Variants in LDB3 observed in about 807,000 individuals in gnomAD.
LDB3 encodes LIM domain binding 3, also known as LIM domain-binding protein 3.
LDB3 carries 49 observed loss-of-function variants against 69.0 expected under a neutral mutation model. That is an observed-to-expected ratio of 0.71 (90% CI 0.56 to 0.90). The LOEUF is 0.90. Ranked by LOEUF, LDB3 falls within the 40% of genes least tolerant of loss-of-function variation. The pLI, the probability that LDB3 is intolerant of heterozygous loss-of-function variation, is 0.00. For synonymous variants in LDB3, 387 were observed against 396.2 expected, an observed-to-expected ratio of 0.98 and a Z score of 0.28; for missense variants, 928 against 974.1, an observed-to-expected ratio of 0.95 and a Z score of 0.63.
At chr10:86,698,291 T>A (rs2132437791) in intron 7 of LDB3, among the ~76,000 whole-genome samples, 1 of 152,386 alleles carries the variant, frequency 6.6e-6, no homozygotes. Context: ...CTTTTATTGC[T>A]AAGAAGCATC....
At position 86,709,830 on chromosome 10, in the gene LDB3, G is replaced by C. The variant is rs3740347; in HGVS notation, c.1086-75G>C. 1.2e-5 allele frequency: 18 copies of C among 1,552,512 alleles called. No individual in the cohort carries two copies. In the African/African-American group the frequency reaches 1.9e-4, roughly 16 times the overall value. On this transcript the variant is annotated intron_variant, in intron 8 of 13. Transcript: ENST00000361373. ...CTCACAGAGGCTTCTGAAGACCTGG[G>C]AGCCAGCCTGCCTTGACTGCAGGCC...
At chr10:86,684,704 C>T (rs370832642) in intron 5 of LDB3, among the ~76,000 whole-genome samples, 4 of 152,220 alleles carry the variant, frequency 2.6e-5, no homozygotes, top group African/African-American at 9.6e-5. Context: ...CAGGGCCAGG[C>T]TGGCCGGGGC....
chr10:86,687,341 C>T, intron 5 of LDB3: 1 of 1,446,842 alleles, frequency 6.9e-7, no homozygotes, highest in South Asian at 1.1e-5. Context: ...CATTGGGCAC[C>T]ATCGGGACCA....
chr10:86,681,565 G>T lies in LDB3; in HGVS notation c.451G>T (p.Ala151Ser). Residue 151 changes from alanine (A) to serine (S), a missense_variant, in exon 5 of 14, where the codon GCC (alanine) becomes TCC (serine). By Grantham distance (99) the Ala-to-Ser change is moderately conservative. Transcript: ENST00000361373. ...TFSPAFSRPSAFSSLAEASDP... is the reference protein window; with the variant it reads ...TFSPAFSRPSSFSSLAEASDP... ...TAGCCCTGCCTTCTCCCGGCCCTCC[G>T]CCTTCTCCTCACTCGCCGAGGCCTC... The T allele has an allele frequency of 6.2e-7, 1 of 1,613,010 alleles. No individual in the cohort carries two copies. Among genetic ancestry groups the T allele is most frequent in the East Asian group, 2.2e-5 (1 of 44,858 alleles).
At chr10:86,718,422 T>C (rs1177018005) in intron 11 of LDB3, among the ~76,000 whole-genome samples, 2 of 152,210 alleles carry the variant, frequency 1.3e-5, no homozygotes, top group East Asian at 3.9e-4. Context: ...CTCACCAGAA[T>C]GTGGCCTTAA....
chr10:86,698,417 C>G (rs1295582519), intron 7 of LDB3, among the ~76,000 whole-genome samples: 1 of 152,232 alleles, frequency 6.6e-6, no homozygotes, highest in Non-Finnish European at 1.5e-5. Flanking sequence ...CACCTCTGGT[C>G]TGGAGGATGT....
At position 86,695,896 on chromosome 10, in the gene LDB3, A is replaced by G. The variant is rs186094098; in HGVS notation, c.896+3325A>G. Among the ~76,000 whole-genome samples, 774 of 152,336 alleles carry G rather than the reference A, an allele frequency of 5.1e-3. 6 individuals are homozygous for G. Among genetic ancestry groups the G allele is most frequent in the Middle Eastern group, 0.017 (5 of 294 alleles). On this transcript the variant is annotated intron_variant, in intron 7 of 13. Transcript: ENST00000361373. ...ATGTAGCCCAGCATGTAACCCAGAC[A>G]TGCCCCTGATCCCTTACAAGTGCAG...
At chr10:86,680,059 G>T (rs1845025549) in intron 3 of LDB3, 23 bp from the exon 4 acceptor site, 3 of 1,610,290 alleles carry the variant, frequency 1.9e-6, no homozygotes, top group Non-Finnish European at 2.5e-6. Context: ...TTCCTCACCT[G>T]GTCTCATTTC....
chr10:86,694,073 C>T (rs907377760), intron 7 of LDB3, among the ~76,000 whole-genome samples: 2 of 152,200 alleles, frequency 1.3e-5, no homozygotes, highest in African/African-American at 4.8e-5. Context: ...TCACGCTCAG[C>T]TTGTGCCTCA....
At chr10:86,717,398 A>G (rs1846917212) in intron 10 of LDB3, among the ~76,000 whole-genome samples, 1 of 152,182 alleles carries the variant, frequency 6.6e-6, no homozygotes, top group Non-Finnish European at 1.5e-5. Flanking sequence ...TTAGAATATA[A>G]AAAAATGTCT....
intron 2 of LDB3, among the ~76,000 whole-genome samples, chr10:86,672,749 T>C (rs537429746): frequency 6.6e-6 from 1 of 152,310 alleles, no homozygotes; most frequent in South Asian, 2.1e-4. Flanking sequence ...TCTAACTCTG[T>C]GAGGGATCCA....
intron 2 of LDB3, among the ~76,000 whole-genome samples, chr10:86,669,702 C>A (rs1054162039): frequency 6.6e-6 from 1 of 152,222 alleles, no homozygotes; most frequent in African/African-American, 2.4e-5. Context: ...AGGCTCAGGG[C>A]GAACTGTGAG....
At chr10:86,674,828 T>A (rs530527476) in intron 2 of LDB3, among the ~76,000 whole-genome samples, 1 of 152,278 alleles carries the variant, frequency 6.6e-6, no homozygotes, top group East Asian at 1.9e-4. Context: ...GCACTCTCCA[T>A]GAGCCCTGGA....
In LDB3 at chr10:86,699,336, C is replaced by T; in HGVS notation, c.896+6765C>T. 2.5e-6 allele frequency: 4 copies of T among 1,613,962 alleles called. No homozygotes were observed. Among genetic ancestry groups the T allele is most frequent in the Non-Finnish European group, 3.4e-6 (4 of 1,179,994 alleles). On this transcript the variant is annotated intron_variant, in intron 7 of 13. Coordinates refer to ENST00000361373, the MANE Select transcript of LDB3 (RefSeq NM_007078.3). The surrounding 1 kb of genome is among the most constrained non-coding windows in gnomAD (Gnocchi z 4.9). ...TTTTGCCAAATTGCGCAACTGGCAC[C>T]ATGGCCTTTCAGCCCAAATCCTTAA...
chr10:86,719,868 A>G (rs1420274131), intron 12 of LDB3, among the ~76,000 whole-genome samples: 1 of 152,260 alleles, frequency 6.6e-6, no homozygotes, highest in East Asian at 1.9e-4. Flanking sequence ...TCATTTATTC[A>G]GAGGCTTCCC....
chr10:86,676,559 T>G (rs1472896424), intron 2 of LDB3, among the ~76,000 whole-genome samples: 1 of 99,722 alleles, frequency 1.0e-5, no homozygotes, highest in African/African-American at 3.9e-5. Flanking sequence ...AGCAAGACCC[T>G]GTCTCAAAAA....
intron 2 of LDB3, among the ~76,000 whole-genome samples, chr10:86,673,915 A>C (rs2803561): frequency 6.6e-6 from 1 of 152,038 alleles, no homozygotes; most frequent in Admixed American, 6.5e-5. Flanking sequence ...GGGAACTGGG[A>C]AAATAGGAGC....
chr10:86,684,078 G>C (rs547489802), intron 5 of LDB3, among the ~76,000 whole-genome samples: 1 of 152,314 alleles, frequency 6.6e-6, no homozygotes, highest in African/African-American at 2.4e-5. Context: ...GCAATTCTTT[G>C]GCACCTCGTA....
rs962004656 is a variant in LDB3, at chr10:86,734,472, C to T, written c.*1496C>T. The T allele has an allele frequency of 2.6e-5, 4 of 152,182 alleles. No homozygotes were observed. The highest frequency in any genetic ancestry group is 1.9e-4 in the East Asian group (1 of 5,196). 9.4% of individuals were successfully genotyped at this position (152,182 alleles called of 1,614,324 possible). On this transcript the variant is annotated 3_prime_UTR_variant, in exon 14 of 14. Coordinates refer to ENST00000361373, the MANE Select transcript of LDB3 (RefSeq NM_007078.3). ...TGCGTGGATGTTTCTCACTTGAGCA[C>T]GATATTTAGGCTCTCTTCCAACTCA...
Sources: gnomAD v4.1 joint callset for allele counts (sites outside exome capture counted in the v4.1 genomes callset) on GRCh38, gnomAD v4.1.1 for gene constraint, Gnocchi (gnomAD v3.1) non-coding constraint, MANE v1.5 for transcripts, NCBI Gene and HGNC (gene_info 2026-07-23, HGNC 2026-07-21) for gene names.